PRKN: variants seen among roughly 807,000 people sequenced by gnomAD.
The protein encoded by PRKN is parkin RBR E3 ubiquitin protein ligase, also known as E3 ubiquitin-protein ligase parkin.
In PRKN, 56 loss-of-function variants were observed where a neutral mutation model predicts 59.5. That is an observed-to-expected ratio of 0.94 (90% CI 0.76 to 1.18). The LOEUF (loss-of-function observed/expected upper bound fraction) is 1.18. Ranked by LOEUF, PRKN falls within the 50% of genes most tolerant of loss-of-function variation. The probability of loss-of-function intolerance (pLI) is 0.00; values close to 1 mark genes in which losing one functional copy is unlikely to be tolerated. For missense variants in PRKN, 657 were observed against 596.4 expected, an observed-to-expected ratio of 1.10 and a Z score of -1.06; for synonymous variants, 250 against 222.1, an observed-to-expected ratio of 1.13 and a Z score of -1.12.
At chr6:162,241,690 T>C (rs911470089) in intron 3 of PRKN, among the ~76,000 whole-genome samples, 1 of 152,160 alleles carries the variant, frequency 6.6e-6, no homozygotes, top group African/African-American at 2.4e-5. Context: ...GAATGCTTCA[T>C]CACACAAATG....
At chr6:161,846,249 G>A (rs901170849) in intron 6 of PRKN, among the ~76,000 whole-genome samples, 3 of 152,018 alleles carry the variant, frequency 2.0e-5, no homozygotes, top group South Asian at 2.1e-4. Flanking sequence ...TCATTCGAGC[G>A]ACCAAGTCCT....
At chr6:161,686,046 A>T (rs1302380634) in intron 7 of PRKN, among the ~76,000 whole-genome samples, 1 of 147,892 alleles carries the variant, frequency 6.8e-6, no homozygotes, top group African/African-American at 2.5e-5. Context: ...AATACTGCAC[A>T]CTCATAAAAA....
chr6:162,013,927 C>T (rs567681125), intron 5 of PRKN, among the ~76,000 whole-genome samples: 1 of 152,130 alleles, frequency 6.6e-6, no homozygotes, highest in South Asian at 2.1e-4. Context: ...CATTTGTTTG[C>T]ATTTATAATT....
chr6:162,139,055 T>A (rs1157587930), intron 4 of PRKN, among the ~76,000 whole-genome samples: 1 of 152,198 alleles, frequency 6.6e-6, no homozygotes, highest in Non-Finnish European at 1.5e-5. Context: ...ATGCCTTCAG[T>A]CCTTCCTTGA....
intron 9 of PRKN, among the ~76,000 whole-genome samples, chr6:161,481,845 C>T (rs971824146): frequency 2.4e-4 from 37 of 151,710 alleles, no homozygotes; most frequent in African/African-American, 9.0e-4. Context: ...TTCTTCTCTT[C>T]ATATAAACTT....
chr6:162,556,847 A>C (rs1033207383), intron 1 of PRKN, among the ~76,000 whole-genome samples: 3 of 152,100 alleles, frequency 2.0e-5, no homozygotes, highest in African/African-American at 4.8e-5. Context: ...CTGAGGACTC[A>C]AGCCAGCCCA....
At chr6:162,507,943 G>A (rs1429159705) in intron 1 of PRKN, among the ~76,000 whole-genome samples, 2 of 152,212 alleles carry the variant, frequency 1.3e-5, no homozygotes, top group Non-Finnish European at 2.9e-5. Flanking sequence ...CAGGCAGGAT[G>A]AAGGACTGCA....
At chr6:162,227,949 A>C (rs1347327487) in intron 3 of PRKN, among the ~76,000 whole-genome samples, 1 of 149,050 alleles carries the variant, frequency 6.7e-6, no homozygotes, top group Non-Finnish European at 1.5e-5. Flanking sequence ...AAAAAAAAAA[A>C]CTTAACTACT....
chr6:161,506,469 C>A (rs141060868), intron 9 of PRKN, among the ~76,000 whole-genome samples: 12,325 of 152,274 alleles, frequency 0.081, 722 homozygotes, highest in African/African-American at 0.16. Context: ...ATGTCATCTG[C>A]AAACAGTGAC....
At chr6:161,383,345 A>T (rs1374172534) in intron 10 of PRKN, among the ~76,000 whole-genome samples, 2 of 152,230 alleles carry the variant, frequency 1.3e-5, no homozygotes, top group African/African-American at 2.4e-5. Context: ...AAATAAGGAA[A>T]CTTGGGAAGA....
At chr6:161,679,416 C>T (rs1785215855) in intron 7 of PRKN, among the ~76,000 whole-genome samples, 1 of 152,080 alleles carries the variant, frequency 6.6e-6, no homozygotes, top group Admixed American at 6.6e-5. Context: ...GCGCCTCTGA[C>T]CCCTGAGCCA....
At chr6:162,102,414 T>C (rs2128299459) in intron 4 of PRKN, among the ~76,000 whole-genome samples, 1 of 152,296 alleles carries the variant, frequency 6.6e-6, no homozygotes, top group Non-Finnish European at 1.5e-5. Flanking sequence ...ATGGCAATCA[T>C]CAATACTTTC....
At chr6:162,156,696 G>C (rs1171726288) in intron 4 of PRKN, among the ~76,000 whole-genome samples, 1 of 152,134 alleles carries the variant, frequency 6.6e-6, no homozygotes, top group African/African-American at 2.4e-5. Flanking sequence ...TGACTTAAAA[G>C]TTAATCTCTT....
rs2114994927 is a variant in PRKN at position 161,407,732 on chromosome 6, A to G, written c.1084-20855T>C. Among the ~76,000 whole-genome samples the G allele has an allele frequency of 6.6e-6, 1 of 152,264 alleles. No individual in the cohort carries two copies. Among genetic ancestry groups the G allele is most frequent in the African/African-American group, 2.4e-5 (1 of 41,544 alleles). ...AAAGAAAAACCACAAAAGAAGTGAA[A>G]CAGCCAGCTCCTGCCATAACTGATT... On this transcript the variant is annotated intron_variant, in intron 9 of 11. Coordinates refer to ENST00000366898, the MANE Select transcript of PRKN (RefSeq NM_004562.3). This position sits in a 1 kb window ranked among gnomAD's most constrained non-coding sequence, Gnocchi z 4.9.
At chr6:161,542,545 C>A (rs113541038) in intron 9 of PRKN, among the ~76,000 whole-genome samples, 2 of 152,184 alleles carry the variant, frequency 1.3e-5, no homozygotes, top group African/African-American at 4.8e-5. Flanking sequence ...GAAAGTCTAG[C>A]GAGGCTTATT....
At chr6:161,854,775 T>C (rs1399236946) in intron 6 of PRKN, among the ~76,000 whole-genome samples, 1 of 152,104 alleles carries the variant, frequency 6.6e-6, no homozygotes, top group African/African-American at 2.4e-5. Context: ...TCGCATGTCT[T>C]ACTGCTAGAT....
In PRKN at chr6:162,269,110, C is replaced by T. The variant is rs138288134; in HGVS notation, c.172-6345G>A. On this transcript the variant is annotated intron_variant, in intron 2 of 11. Transcript: ENST00000366898. ...ATAGGTGAGCTGGTAACACACCTCG[C>T]AGACTCCGGATGCTGGTGCTGGCTC... is the stretch of plus-strand genomic sequence containing the variant. Among the ~76,000 whole-genome samples, 567 of 152,270 alleles carry T rather than the reference C, an allele frequency of 3.7e-3. 5 individuals are homozygous for T. The highest frequency in any genetic ancestry group is 7.1e-3 in the Admixed American group (108 of 15,284).
intron 7 of PRKN, among the ~76,000 whole-genome samples, chr6:161,708,063 C>A (rs1280268759): frequency 6.6e-6 from 1 of 152,066 alleles, no homozygotes; most frequent in African/African-American, 2.4e-5. Flanking sequence ...TAGAATCATA[C>A]CTAGCATCTG....
chr6:162,013,258 T>C (rs1782805107), intron 5 of PRKN, among the ~76,000 whole-genome samples: 1 of 152,174 alleles, frequency 6.6e-6, no homozygotes, highest in South Asian at 2.1e-4. Context: ...TATCATTATT[T>C]ATTTTGATAC....
Sources: allele counts gnomAD v4.1 joint callset (sites outside exome capture counted in the v4.1 genomes callset), GRCh38; gene constraint gnomAD v4.1.1; non-coding constraint Gnocchi (gnomAD v3.1); transcripts MANE v1.5; gene names NCBI Gene and HGNC (gene_info 2026-07-23, HGNC 2026-07-21).